The following LANCL3 variants were observed in gnomAD, a reference collection of about 807,000 sequenced individuals.
LANCL3 encodes the protein lanC-like protein 3.
Under a neutral mutation model 26.5 loss-of-function variants are expected in LANCL3, and 19 were observed. The ratio of observed to expected loss-of-function variants is 0.72; its 90% confidence interval spans 0.50 to 1.05. The LOEUF (loss-of-function observed/expected upper bound fraction) is 1.05, where lower values mean the gene tolerates loss of function less well. Ranked by LOEUF, LANCL3 falls within the 50% of genes least tolerant of loss-of-function variation. The pLI, the probability that LANCL3 is intolerant of heterozygous loss-of-function variation, is 0.00. For missense variants in LANCL3, 318 were observed against 362.7 expected, an observed-to-expected ratio of 0.88 and a Z score of 1.00; for synonymous variants, 160 against 166.6, an observed-to-expected ratio of 0.96 and a Z score of 0.30.
At chrX:37,651,889 C>T (rs782612300) in intron 1 of LANCL3, among the ~76,000 whole-genome samples, 1 of 111,153 alleles carries the variant, frequency 9.0e-6, no homozygotes, top group Middle Eastern at 4.6e-3. Context: ...GCTGGTCAGT[C>T]TCCTTTCACT....
chrX:37,599,051 C>T (rs142174434), intron 1 of LANCL3, among the ~76,000 whole-genome samples: 3,047 of 111,881 alleles, frequency 0.027, 99 homozygotes, highest in African/African-American at 0.092. Flanking sequence ...AAAGGGACTT[C>T]GAAGTATCTA....
At chrX:37,638,629 T>TA (rs1221837038) in intron 1 of LANCL3, among the ~76,000 whole-genome samples, 2 of 111,604 alleles carry the variant, frequency 1.8e-5, no homozygotes, top group Non-Finnish European at 3.8e-5. Context: ...TGCTTTTTTA[T>TA]AAAAAAAATT....
At chrX:37,637,921 C>T (rs1160969600) in intron 1 of LANCL3, among the ~76,000 whole-genome samples, 1 of 110,308 alleles carries the variant, frequency 9.1e-6, no homozygotes, top group Non-Finnish European at 1.9e-5. Context: ...TGTAAACACA[C>T]CTGAATGAGG....
intron 1 of LANCL3, among the ~76,000 whole-genome samples, chrX:37,622,908 T>C (rs1235296637): frequency 8.9e-6 from 1 of 112,598 alleles, no homozygotes; most frequent in African/African-American, 3.2e-5. Flanking sequence ...CACATCCAAC[T>C]GCACTATTTC....
chrX:37,636,829 C>A (rs1196053103), intron 1 of LANCL3, among the ~76,000 whole-genome samples: 1 of 112,060 alleles, frequency 8.9e-6, no homozygotes, highest in East Asian at 2.8e-4. Flanking sequence ...TCATCTCTTG[C>A]ACCTGTTTCA....
intron 1 of LANCL3, among the ~76,000 whole-genome samples, chrX:37,634,151 C>A (rs1453584883): frequency 8.9e-6 from 1 of 112,604 alleles, no homozygotes; most frequent in Non-Finnish European, 1.9e-5. Flanking sequence ...GCGCCCCTCC[C>A]CCAGCCTCAC....
intron 1 of LANCL3, among the ~76,000 whole-genome samples, chrX:37,606,718 G>T (rs3952153): frequency 9.0e-6 from 1 of 111,236 alleles, no homozygotes; most frequent in Non-Finnish European, 1.9e-5. Context: ...TCCCACGTAC[G>T]TGTACTCCTA....
rs1556415461 is a variant in LANCL3, at chrX:37,571,830, A to C, written c.-41A>C. On this transcript the variant is annotated 5_prime_UTR_variant, in exon 1 of 5. Coordinates refer to ENST00000378619, the MANE Select transcript of LANCL3 (RefSeq NM_001170331.2). ...GTGCGGGGCTGCAGGGCACGACTTC[A>C]AGCGGTCCTCAGCTCCGCACTAGGG... 3.5e-6 allele frequency: 4 copies of C among 1,132,148 alleles called. No homozygotes were observed. Among genetic ancestry groups the C allele is most frequent in the Non-Finnish European group, 3.6e-6 (3 of 842,368 alleles). The allele number at this position is 1,132,148 out of a possible 1,213,427, so 93.3% of individuals were successfully genotyped here.
rs1459091122 is a variant in LANCL3, at chrX:37,683,455, AT to A, written c.*7643del. ...TAAAAACATAAAATTATAAAAAAAA[AT>A]AATAGTGATTGGTTGTTACTACTTT... On this transcript the variant is annotated 3_prime_UTR_variant, in exon 5 of 5. Coordinates refer to ENST00000378619, the MANE Select transcript of LANCL3 (RefSeq NM_001170331.2). 9 of 112,320 alleles carry A rather than the reference AT, an allele frequency of 8.0e-5. No homozygotes were observed. The highest frequency in any genetic ancestry group is 1.9e-4 in the Admixed American group (2 of 10,620). The allele number at this position is 112,320 out of a possible 1,213,427, so 9.3% of individuals were successfully genotyped here.
At chrX:37,635,201 A>G (rs1556425221) in intron 1 of LANCL3, among the ~76,000 whole-genome samples, 1 of 111,820 alleles carries the variant, frequency 8.9e-6, no homozygotes, top group African/African-American at 3.2e-5. Flanking sequence ...CATGAATGAG[A>G]AAACTGACAT....
In LANCL3 at chrX:37,655,742, A is replaced by T; in HGVS notation, c.628A>T (p.Lys210Ter). 1.7e-6 allele frequency: 2 copies of T among 1,201,165 alleles called. No individual in the cohort carries two copies. Among genetic ancestry groups the T allele is most frequent in the Non-Finnish European group, 2.3e-6 (2 of 886,498 alleles). The change falls in exon 2 of 5, where the codon AAG becomes TAG. Residue 210 changes from lysine (K) to a stop codon, truncating the protein, a stop_gained. Transcript: ENST00000378619. LOFTEE classifies it high-confidence loss of function. Reference protein sequence around the residue: ...SICQAILDSGKQYAIKKRKPF... With the variant: ...SICQAILDSG ...TTGTCAGGCAATTCTGGACTCTGGGAAGCAGTATGCCATAAAGAAGAGGAA... is the reference window on the plus strand; with the variant it reads ...TTGTCAGGCAATTCTGGACTCTGGGTAGCAGTATGCCATAAAGAAGAGGAA...
chrX:37,678,897 T>C lies in LANCL3; in HGVS notation c.*3084T>C, dbSNP rs1362968377. Reference sequence around the variant, plus strand: ...TTAACTTTTTTGACATATTAAGATTTTAATCATGGTAATACTGAAATTGTT... The same window carrying C: ...TTAACTTTTTTGACATATTAAGATTCTAATCATGGTAATACTGAAATTGTT... On this transcript the variant is annotated 3_prime_UTR_variant, in exon 5 of 5. Coordinates refer to ENST00000378619, the MANE Select transcript of LANCL3 (RefSeq NM_001170331.2). 2 of 112,153 alleles carry C rather than the reference T, an allele frequency of 1.8e-5. No homozygotes were observed. The highest frequency in any genetic ancestry group is 9.5e-5 in the Admixed American group (1 of 10,506). The allele number at this position is 112,153 out of a possible 1,213,427, so 9.2% of individuals were successfully genotyped here. A position where few individuals can be genotyped will look rare whatever the true frequency, so the allele number is the denominator to read the frequency against.
At chrX:37,648,417 A>G (rs1926040003) in intron 1 of LANCL3, among the ~76,000 whole-genome samples, 1 of 112,109 alleles carries the variant, frequency 8.9e-6, no homozygotes, top group Non-Finnish European at 1.9e-5. Flanking sequence ...TGTGCAGAAA[A>G]CAGAAACTGT....
At chrX:37,574,214 G>A (rs1167549171) in intron 1 of LANCL3, among the ~76,000 whole-genome samples, 1 of 110,837 alleles carries the variant, frequency 9.0e-6, no homozygotes, top group Non-Finnish European at 1.9e-5. Flanking sequence ...TGCCAGGCTG[G>A]AAGCCCTTTG....
intron 1 of LANCL3, among the ~76,000 whole-genome samples, chrX:37,612,748 C>G (rs1924910402): frequency 8.9e-6 from 1 of 111,764 alleles, no homozygotes; most frequent in African/African-American, 3.3e-5. Flanking sequence ...AGGACCAAAT[C>G]CCTGCTTTCA....
intron 1 of LANCL3, among the ~76,000 whole-genome samples, chrX:37,592,626 A>C (rs1482486493): frequency 3.1e-4 from 35 of 111,792 alleles, no homozygotes; most frequent in African/African-American, 1.1e-3. Flanking sequence ...AAAAAAAGAT[A>C]GCAGAAATAA....
Position 37,633,394 on chromosome X carries a change from G to A in LANCL3, c.574-22294G>A, listed in dbSNP as rs897740439. Among the ~76,000 whole-genome samples, 70 of 111,271 alleles carry A rather than the reference G, an allele frequency of 6.3e-4. 1 individual carries two copies. The highest frequency in any genetic ancestry group is 9.6e-4 in the Non-Finnish European group (51 of 53,087). On this transcript the variant is annotated intron_variant, in intron 1 of 4. Coordinates refer to ENST00000378619, the MANE Select transcript of LANCL3 (RefSeq NM_001170331.2). ...TTTGAATTTCTTCCTGTAGCTCGGG[G>A]TAGTTTGATCATCTGAAGCCTTCTT... is the stretch of plus-strand genomic sequence containing the variant.
chrX:37,655,544 G>T (rs1602130850), intron 1 of LANCL3, 144 bp from the exon 2 acceptor site: 1 of 421,122 alleles, frequency 2.4e-6, no homozygotes, highest in Non-Finnish European at 3.8e-6. Context: ...GGTAAAAAAA[G>T]AATAAATTTT....
rs1483984028 is a variant in LANCL3 at position 37,573,254 on chromosome X, T to C, written c.573+811T>C. 2.7e-5 allele frequency among the ~76,000 whole-genome samples: 3 copies of C among 111,783 alleles called. No individual in the cohort carries two copies. The East Asian group carries it at 8.4e-4, about 31-fold the overall frequency. On this transcript the variant is annotated intron_variant, in intron 1 of 4. Coordinates refer to ENST00000378619, the MANE Select transcript of LANCL3 (RefSeq NM_001170331.2). ...TTAGAAGAGAATATGCCAGTTCCTG[T>C]GGAGTAGGAAAAAGAACAAAACTCT...
Sources: allele counts gnomAD v4.1 joint callset (sites outside exome capture counted in the v4.1 genomes callset), GRCh38; gene constraint gnomAD v4.1.1; transcripts MANE v1.5; gene names NCBI Gene and HGNC (gene_info 2026-07-23, HGNC 2026-07-21).